ROBO2: variants seen among roughly 807,000 people sequenced by gnomAD.
The protein encoded by ROBO2 is roundabout guidance receptor 2.
ROBO2 carries 53 observed loss-of-function variants against 160.8 expected under a neutral mutation model. The ratio of observed to expected loss-of-function variants is 0.33; its 90% CI spans 0.26 to 0.41. The LOEUF is 0.41. Among genes scored for constraint, ROBO2 ranks in the 10% least tolerant of loss-of-function variants. The probability of loss-of-function intolerance (pLI) is 1.00; values close to 1 mark genes in which losing one functional copy is unlikely to be tolerated. For missense variants in ROBO2, 1,577 were observed against 1,722.4 expected (o/e 0.92, Z 1.49); for synonymous variants, 664 against 611.7 (o/e 1.09, Z -1.26).
intron 19 of ROBO2, among the ~76,000 whole-genome samples, chr3:77,599,020 G>A (rs2094373734): frequency 6.6e-6 from 1 of 152,136 alleles, no homozygotes; most frequent in Admixed American, 6.5e-5. Flanking sequence ...TTTAACAAAA[G>A]GGTACACCTG....
rs138163234 is a variant in ROBO2 at position 75,983,425 on chromosome 3, C to A, written c.109+45823C>A. Among the ~76,000 whole-genome samples, 728 of 151,396 alleles carry A rather than the reference C, an allele frequency of 4.8e-3. 4 individuals are homozygous for A. The highest frequency in any genetic ancestry group is 8.9e-3 in the Admixed American group (134 of 15,136). On this transcript the variant is annotated intron_variant, in intron 2 of 26. Coordinates refer to the ROBO2 transcript ENST00000487694. ...ATTCCCAAAATAGACTTAAAATATT[C>A]TTTAGTTTTAAAGTTATGATAAACT...
At chr3:77,632,494 G>T in intron 23 of ROBO2, 2 of 1,533,896 alleles carry the variant, frequency 1.3e-6, no homozygotes, top group Non-Finnish European at 1.7e-6. Flanking sequence ...AAATGGATGG[G>T]GCTCTGCATC....
intron 2 of ROBO2, among the ~76,000 whole-genome samples, chr3:76,694,564 T>G (rs1265048359): frequency 6.6e-6 from 1 of 152,194 alleles, no homozygotes; most frequent in Non-Finnish European, 1.5e-5. Context: ...TAATGTTTTT[T>G]TTCAAGAACT....
At chr3:77,486,205 C>T (rs2085332839) in intron 4 of ROBO2, among the ~76,000 whole-genome samples, 1 of 120,266 alleles carries the variant, frequency 8.3e-6, no homozygotes, top group Admixed American at 9.8e-5. Flanking sequence ...GATTCCATGT[C>T]TTTGCTATTG....
At chr3:77,362,317 G>A (rs2070143890) in intron 2 of ROBO2, among the ~76,000 whole-genome samples, 1 of 152,154 alleles carries the variant, frequency 6.6e-6, no homozygotes, top group Non-Finnish European at 1.5e-5. Flanking sequence ...TTATAGCCAA[G>A]AAGTAGAGTG....
intron 2 of ROBO2, among the ~76,000 whole-genome samples, chr3:76,272,078 C>T (rs1236257107): frequency 6.6e-6 from 1 of 151,914 alleles, no homozygotes; most frequent in African/African-American, 2.4e-5. Flanking sequence ...TAAGTGTTTC[C>T]AACATAAACA....
At chr3:77,509,842 G>A (rs75714558) in intron 5 of ROBO2, among the ~76,000 whole-genome samples, 3,602 of 152,154 alleles carry the variant, frequency 0.024, 143 homozygotes, top group African/African-American at 0.08. Context: ...GGATACAGCT[G>A]TTAATAAAAG....
intron 2 of ROBO2, among the ~76,000 whole-genome samples, chr3:76,075,412 C>T (rs576277370): frequency 5.1e-4 from 78 of 151,806 alleles, no homozygotes; most frequent in African/African-American, 1.7e-3. Flanking sequence ...TCTGTCTTTG[C>T]CTCCTGTCTG....
chr3:76,801,618 T>A (rs113720464), intron 2 of ROBO2, among the ~76,000 whole-genome samples: 78 of 152,168 alleles, frequency 5.1e-4, no homozygotes, highest in Non-Finnish European at 9.3e-4. Flanking sequence ...GCGGCAGATC[T>A]TTTATCGAGA....
intron 11 of ROBO2, chr3:77,564,431 T>C: frequency 2.2e-6 from 1 of 455,842 alleles, no homozygotes; most frequent in Non-Finnish European, 4.4e-6. Flanking sequence ...CATTACCTGC[T>C]TCCTCTCTTC....
chr3:77,040,951 G>A (rs940742635), intron 1 of ROBO2, 105 bp downstream of exon 1: 2 of 1,482,738 alleles, frequency 1.3e-6, no homozygotes, highest in East Asian at 2.3e-5. Context: ...ATGACATTAT[G>A]TCTGTTAGTC....
chr3:77,216,178 G>C (rs967010982), intron 2 of ROBO2, among the ~76,000 whole-genome samples: 11 of 152,216 alleles, frequency 7.2e-5, no homozygotes, highest in African/African-American at 2.6e-4. Flanking sequence ...CCAGAGGTGG[G>C]GTCTACAGAG....
chr3:77,142,738 A>C (rs1006044295), intron 2 of ROBO2, among the ~76,000 whole-genome samples: 2 of 151,880 alleles, frequency 1.3e-5, no homozygotes, highest in African/African-American at 4.9e-5. Flanking sequence ...CTTTAAAGGG[A>C]GCCCTCTAGA....
intron 2 of ROBO2, among the ~76,000 whole-genome samples, chr3:76,879,478 T>C (rs2073121056): frequency 6.6e-6 from 1 of 152,036 alleles, no homozygotes; most frequent in African/African-American, 2.4e-5. Flanking sequence ...ACTCTCTTCC[T>C]CTGAAAAAAT....
chr3:76,044,538 G>GATTCATTC (rs59745987), intron 2 of ROBO2, among the ~76,000 whole-genome samples: 16 of 149,542 alleles, frequency 1.1e-4, no homozygotes, highest in Admixed American at 2.0e-4. Context: ...CAGTCACAGA[G>GATTCATTC]ATTCATTCAT....
chr3:76,802,660 G>A (rs1031877709), intron 2 of ROBO2, among the ~76,000 whole-genome samples: 2 of 151,348 alleles, frequency 1.3e-5, no homozygotes, highest in Non-Finnish European at 2.9e-5. Flanking sequence ...CCCAGGAGGC[G>A]GAGCTTGCAG....
chr3:76,739,672 T>G (rs1235956751), intron 2 of ROBO2, among the ~76,000 whole-genome samples: 1 of 151,822 alleles, frequency 6.6e-6, no homozygotes, highest in Non-Finnish European at 1.5e-5. Context: ...CTTGCTGAGG[T>G]GGGTAGCAAG....
intron 2 of ROBO2, among the ~76,000 whole-genome samples, chr3:76,976,897 A>G (rs1253229213): frequency 6.9e-6 from 1 of 145,270 alleles, no homozygotes; most frequent in African/African-American, 2.9e-5. Context: ...ATCAAAGCCT[A>G]ACAAATTATT....
intron 2 of ROBO2, among the ~76,000 whole-genome samples, chr3:77,460,629 A>C (rs191438325): frequency 3.3e-5 from 5 of 152,356 alleles, no homozygotes; most frequent in Non-Finnish European, 5.9e-5. Flanking sequence ...GGTAAAAAAC[A>C]CACATTTAAA....
Sources: gnomAD v4.1 joint callset for allele counts (sites outside exome capture counted in the v4.1 genomes callset) on GRCh38, gnomAD v4.1.1 for gene constraint, MANE v1.5 for transcripts, NCBI Gene and HGNC (gene_info 2026-07-23, HGNC 2026-07-21) for gene names.